The following CACNA2D3 variants were observed in gnomAD, a reference collection of about 807,000 sequenced individuals.
CACNA2D3 encodes calcium voltage-gated channel auxiliary subunit alpha2delta 3, also known as voltage-dependent calcium channel subunit alpha-2/delta-3.
Under a neutral mutation model 160.6 loss-of-function variants are expected in CACNA2D3, and 60 were observed. The observed-to-expected ratio is 0.37, with a 90% CI of 0.30 to 0.46. The LOEUF (loss-of-function observed/expected upper bound fraction) is 0.46. CACNA2D3 is among the 20% of genes least tolerant of loss of function. The pLI is 1.00. For synonymous variants in CACNA2D3, 558 were observed against 492.9 expected (o/e 1.13, Z -1.75); for missense variants, 1,205 against 1,365.0 (o/e 0.88, Z 1.85).
chr3:54,346,796 C>T (rs1698466418), intron 3 of CACNA2D3, among the ~76,000 whole-genome samples: 1 of 152,182 alleles, frequency 6.6e-6, no homozygotes, highest in Admixed American at 6.5e-5. Context: ...CCGTATCATA[C>T]AGAATAGTTT....
chr3:54,661,241 T>C (rs1190760106), intron 11 of CACNA2D3, among the ~76,000 whole-genome samples: 2 of 152,152 alleles, frequency 1.3e-5, no homozygotes, highest in African/African-American at 2.4e-5. Flanking sequence ...AGCCTGAATT[T>C]TTAGCCCTTT....
Position 54,919,041 on chromosome 3 carries a change from T to C in CACNA2D3, c.2449+19173T>C, listed in dbSNP as rs78292709. On this transcript the variant is annotated intron_variant, in intron 27 of 37. Transcript: ENST00000474759. ...GAGTCAAAGAATTTAACAACCATAT[T>C]TTATGATTTTAGGATTCCTAAATTG... The C allele has an allele frequency of 6.9e-3, 4,567 of 658,484 alleles. 137 individuals carry two copies. The African/African-American group carries it at 0.072, about 10-fold the overall frequency. 40.8% of individuals were successfully genotyped at this position (658,484 alleles called of 1,614,324 possible).
At chr3:54,361,841 A>G (rs1047243476) in intron 3 of CACNA2D3, among the ~76,000 whole-genome samples, 1 of 152,204 alleles carries the variant, frequency 6.6e-6, no homozygotes, top group African/African-American at 2.4e-5. Flanking sequence ...TTTTGAAGTG[A>G]CAGGCAGCTC....
intron 35 of CACNA2D3, among the ~76,000 whole-genome samples, chr3:55,051,862 G>A (rs546176001): frequency 0.043 from 6,620 of 152,200 alleles, 395 homozygotes; most frequent in African/African-American, 0.14. Context: ...GGAGTGACCC[G>A]ATTTTCCAGG....
At chr3:54,699,188 T>A (rs2106944838) in intron 11 of CACNA2D3, among the ~76,000 whole-genome samples, 1 of 152,270 alleles carries the variant, frequency 6.6e-6, no homozygotes, top group East Asian at 1.9e-4. Context: ...TTTCAAAAAC[T>A]GTTCCTTTGG....
At chr3:54,703,239 G>GGAA (rs1700797887) in intron 11 of CACNA2D3, among the ~76,000 whole-genome samples, 1 of 151,362 alleles carries the variant, frequency 6.6e-6, no homozygotes, top group Non-Finnish European at 1.5e-5. Context: ...ATTAAAAGTT[G>GGAA]GAAGAAAAAA....
chr3:54,879,352 A>G lies in CACNA2D3; in HGVS notation c.1785A>G (p.Lys595=). 6.2e-7 allele frequency: 1 copy of G among 1,601,284 alleles called. No individual in the cohort carries two copies. The highest frequency in any genetic ancestry group is 1.7e-4 in the Middle Eastern group (1 of 5,994). Residue 595 remains lysine, a splice_region_variant and synonymous_variant, in exon 20 of 38, where the codon AAA becomes AAG. Transcript: ENST00000474759. ...MEVKKTVDKG[K]RVLVMTNDYY... ...CTTTTTTTTTTTTTTCAATCTAGAA[A>G]CGGGTTTTGGTGATGACAAATGACT...
At chr3:54,123,161 G>T (rs111821636) in intron 1 of CACNA2D3, among the ~76,000 whole-genome samples, 95 of 49,874 alleles carry the variant, frequency 1.9e-3, no homozygotes, top group African/African-American at 4.5e-3. Flanking sequence ...TTCTTTTTTT[G>T]GGGGGGGGAT....
At position 54,153,826 on chromosome 3, in the gene CACNA2D3, A is replaced by G. The variant is rs553525860; in HGVS notation, c.204+30232A>G. Among the ~76,000 whole-genome samples the G allele has an allele frequency of 1.5e-3, 236 of 152,352 alleles. 2 individuals are homozygous for G. Among genetic ancestry groups the G allele is most frequent in the African/African-American group, 5.4e-3 (223 of 41,578 alleles). ...TTATATTGCCTATTATTGGGTTGCC[A>G]CTTGCATTCTAAAAACTTCTGAAGA... On this transcript the variant is annotated intron_variant, in intron 2 of 37. Coordinates refer to ENST00000474759, the MANE Select transcript of CACNA2D3 (RefSeq NM_018398.3).
chr3:55,046,537 T>G (rs1704086055), intron 35 of CACNA2D3, among the ~76,000 whole-genome samples: 1 of 51,850 alleles, frequency 1.9e-5, no homozygotes, highest in South Asian at 7.6e-4. Context: ...TTTGCTATTG[T>G]GAATAATGCC....
intron 2 of CACNA2D3, among the ~76,000 whole-genome samples, chr3:54,215,855 A>T (rs935898369): frequency 1.3e-5 from 2 of 151,488 alleles, no homozygotes; most frequent in African/African-American, 4.8e-5. Flanking sequence ...TAAGCTCTTT[A>T]TTCTGAGCTT....
intron 9 of CACNA2D3, among the ~76,000 whole-genome samples, chr3:54,594,915 A>C (rs1332966246): frequency 1.3e-5 from 2 of 152,214 alleles, no homozygotes; most frequent in Non-Finnish European, 2.9e-5. Context: ...TAAGTGCGCA[A>C]CCACATCATG....
At chr3:54,527,794 A>T (rs1348392134) in intron 5 of CACNA2D3, among the ~76,000 whole-genome samples, 1 of 152,134 alleles carries the variant, frequency 6.6e-6, no homozygotes, top group Non-Finnish European at 1.5e-5. Flanking sequence ...GCCTAGAGTG[A>T]GTTTGTGTCT....
intron 4 of CACNA2D3, among the ~76,000 whole-genome samples, chr3:54,427,814 C>G (rs1284631499): frequency 6.6e-6 from 1 of 152,150 alleles, no homozygotes; most frequent in Non-Finnish European, 1.5e-5. Context: ...GGGATCAGGA[C>G]CTGGACCAGA....
intron 13 of CACNA2D3, among the ~76,000 whole-genome samples, chr3:54,772,704 T>C (rs1223882215): frequency 1.3e-5 from 2 of 152,180 alleles, no homozygotes; most frequent in Admixed American, 1.3e-4. Flanking sequence ...ACACCAGAAT[T>C]CTGAAATTCA....
intron 4 of CACNA2D3, among the ~76,000 whole-genome samples, chr3:54,409,898 T>C (rs1345550950): frequency 1.3e-5 from 2 of 152,194 alleles, no homozygotes; most frequent in Non-Finnish European, 2.9e-5. Context: ...AACATAAAAG[T>C]GCAAGGTGAA....
chr3:54,984,693 C>G (rs765367811), intron 30 of CACNA2D3, 23 bp downstream of exon 30: 1 of 1,475,884 alleles, frequency 6.8e-7, no homozygotes, highest in Non-Finnish European at 9.3e-7. Context: ...TTTCTACCAG[C>G]TCCAAGTAAG....
intron 4 of CACNA2D3, among the ~76,000 whole-genome samples, chr3:54,453,176 A>G (rs529974359): frequency 2.0e-4 from 30 of 152,010 alleles, no homozygotes; most frequent in Non-Finnish European, 4.4e-4. Flanking sequence ...TATTTTTTGT[A>G]CAGATGAGGT....
In CACNA2D3 at chr3:54,550,906, C is replaced by T. The variant is rs371729094; in HGVS notation, c.545-11894C>T. ...TTGCAAGCACATCCTCTCTGTGTCC[C>T]ACTGGCTTCTCTCCCTCTGCCACCC... On this transcript the variant is annotated intron_variant, in intron 5 of 37. Coordinates refer to ENST00000474759, the MANE Select transcript of CACNA2D3 (RefSeq NM_018398.3). 2.0e-5 allele frequency among the ~76,000 whole-genome samples: 3 copies of T among 152,334 alleles called. No homozygotes were observed. In the East Asian group the frequency reaches 5.8e-4, roughly 29 times the overall value.
Sources: gnomAD v4.1 joint callset for allele counts (sites outside exome capture counted in the v4.1 genomes callset) on GRCh38, gnomAD v4.1.1 for gene constraint, MANE v1.5 for transcripts, NCBI Gene and HGNC (gene_info 2026-07-23, HGNC 2026-07-21) for gene names.